DNAH8: variants seen among roughly 807,000 people sequenced by gnomAD.
DNAH8 encodes axonemal beta dynein heavy chain 8.
DNAH8 carries 382 observed loss-of-function variants against 562.1 expected under a neutral mutation model. The ratio of observed to expected loss-of-function variants is 0.68; its 90% CI spans 0.63 to 0.74. DNAH8 has a LOEUF of 0.74. Ranked by LOEUF, DNAH8 falls within the 30% of genes least tolerant of loss-of-function variation. The pLI is 0.00. For missense variants in DNAH8, 5,203 were observed against 5,620.4 expected, an observed-to-expected ratio of 0.93 and a Z score of 2.37; for synonymous variants, 1,881 against 1,919.4, an observed-to-expected ratio of 0.98 and a Z score of 0.52.
At chr6:38,919,797 A>G (rs1223895683) in intron 70 of DNAH8, among the ~76,000 whole-genome samples, 3 of 152,198 alleles carry the variant, frequency 2.0e-5, no homozygotes, top group Non-Finnish European at 4.4e-5. Context: ...AGCTTCTGTG[A>G]TATGGCCAAA....
At chr6:38,791,818 G>A in intron 21 of DNAH8, 144 bp downstream of exon 21, 1 of 763,246 alleles carries the variant, frequency 1.3e-6, no homozygotes, top group Non-Finnish European at 2.0e-6. Flanking sequence ...TCTGCTCCAA[G>A]GACTTTCATG....
intron 11 of DNAH8, among the ~76,000 whole-genome samples, chr6:38,767,308 G>C (rs1767103313): frequency 6.6e-6 from 1 of 152,068 alleles, no homozygotes; most frequent in Admixed American, 6.5e-5. Flanking sequence ...GTGGTGGCAG[G>C]CTCCTGTAGT....
intron 76 of DNAH8, among the ~76,000 whole-genome samples, chr6:38,934,028 G>A (rs1177780506): frequency 6.6e-6 from 1 of 152,158 alleles, no homozygotes; most frequent in East Asian, 1.9e-4. Flanking sequence ...CGTAGTTGGA[G>A]GGAAATAATC....
intron 89 of DNAH8, among the ~76,000 whole-genome samples, chr6:39,010,225 T>C (rs1466260205): frequency 6.6e-6 from 1 of 152,210 alleles, no homozygotes; most frequent in Non-Finnish European, 1.5e-5. Flanking sequence ...AACTTGTCCC[T>C]GTTCCAAGAT....
chr6:38,730,245 A>G (rs2127573971), intron 4 of DNAH8, among the ~76,000 whole-genome samples: 1 of 152,312 alleles, frequency 6.6e-6, no homozygotes, highest in Non-Finnish European at 1.5e-5. Flanking sequence ...TTTCATTAGA[A>G]TTTAATTGCA....
intron 75 of DNAH8, among the ~76,000 whole-genome samples, chr6:38,930,115 C>G (rs914926303): frequency 2.0e-5 from 3 of 152,038 alleles, no homozygotes; most frequent in African/African-American, 7.2e-5. Context: ...TTAATAAAGT[C>G]ATTGATTTGG....
chr6:38,780,568 T>TC (rs1768484559), intron 15 of DNAH8, among the ~76,000 whole-genome samples: 1 of 152,176 alleles, frequency 6.6e-6, no homozygotes, highest in African/African-American at 2.4e-5. Flanking sequence ...GAGGCTATTA[T>TC]CCTAAGCCAA....
intron 80 of DNAH8, among the ~76,000 whole-genome samples, chr6:38,948,074 C>G (rs1284732813): frequency 6.6e-6 from 1 of 151,652 alleles, no homozygotes; most frequent in Non-Finnish European, 1.5e-5. Flanking sequence ...TTTTAGTGCC[C>G]CAGGGACAAA....
intron 82 of DNAH8, among the ~76,000 whole-genome samples, chr6:38,951,913 T>C (rs1761935096): frequency 6.6e-6 from 1 of 152,230 alleles, no homozygotes; most frequent in Non-Finnish European, 1.5e-5. Context: ...ATTATTGTAA[T>C]GCATAGTAGT....
Position 38,837,915 on chromosome 6 carries a change from A to G in DNAH8, c.4366-27A>G, listed in dbSNP as rs780879487. ...AATTCTACTGAATTAATTGTATTTT[A>G]GTACAATTTAAAAACCTTTGTTACA... On this transcript the variant is annotated intron_variant, in intron 32 of 92. Coordinates refer to ENST00000327475, the MANE Select transcript of DNAH8 (RefSeq NM_001206927.2). 2.9e-5 allele frequency: 42 copies of G among 1,437,700 alleles called. No individual in the cohort carries two copies. The Middle Eastern group carries it at 3.1e-3, about 107-fold the overall frequency. 89.1% of individuals were successfully genotyped at this position (1,437,700 alleles called of 1,614,324 possible). A position where few individuals can be genotyped will look rare whatever the true frequency, so the allele number is the denominator to read the frequency against.
Position 38,875,647 on chromosome 6 carries a change from T to C in DNAH8, c.7677T>C (p.Cys2559=), listed in dbSNP as rs1409478576. ...IPSKEEGGVS[C]VEHLHKLFVF... The stretch of plus-strand genomic sequence containing the variant: ...CCAAAGAAGAAGGCGGTGTTTCCTG[T>C]GTCGAACATCTTCATAAATTATTTG... The change falls in exon 53 of 93, where the codon TGT becomes TGC. Residue 2559 remains cysteine, a synonymous_variant. Coordinates refer to ENST00000327475, the MANE Select transcript of DNAH8 (RefSeq NM_001206927.2). 2.5e-6 allele frequency: 4 copies of C among 1,613,684 alleles called. No individual in the cohort carries two copies. In the East Asian group the frequency reaches 8.9e-5, roughly 36 times the overall value.
chr6:38,916,668 G>A (rs1006821819), intron 68 of DNAH8, among the ~76,000 whole-genome samples: 6 of 152,172 alleles, frequency 3.9e-5, no homozygotes, highest in African/African-American at 1.4e-4. Flanking sequence ...CCGAACCGAA[G>A]GAGTCTTAGA....
chr6:38,831,748 A>C (rs899344903), intron 30 of DNAH8, among the ~76,000 whole-genome samples: 3 of 152,208 alleles, frequency 2.0e-5, no homozygotes, highest in Non-Finnish European at 2.9e-5. Context: ...AATGGTAATC[A>C]TATTAGCATA....
chr6:39,009,300 CT>C (rs768275248), intron 89 of DNAH8, among the ~76,000 whole-genome samples: 1,526 of 70,894 alleles, frequency 0.022, 35 homozygotes, highest in East Asian at 0.17. Context: ...TTAAGCTGTG[CT>C]AAAAAAAAAA....
intron 74 of DNAH8, among the ~76,000 whole-genome samples, chr6:38,926,588 C>G (rs931692771): frequency 6.6e-6 from 1 of 152,094 alleles, no homozygotes; most frequent in African/African-American, 2.4e-5. Context: ...CTTACTGAGT[C>G]CAGCTTTGGT....
Position 38,982,481 on chromosome 6 carries a change from T to A in DNAH8, c.12951+19T>A, listed in dbSNP as rs779556558. On this transcript the variant is annotated intron_variant, in intron 86 of 92. Transcript: ENST00000327475. ...TAAGAAAGTGAGTGAAATTATGCCTTTTTTCCTGTTTTTATTGCTCTTCTT... is the reference window on the plus strand; with the variant it reads ...TAAGAAAGTGAGTGAAATTATGCCTATTTTCCTGTTTTTATTGCTCTTCTT... The A allele has an allele frequency of 2.5e-6, 3 of 1,185,086 alleles. No individual in the cohort carries two copies. The highest frequency in any genetic ancestry group is 3.8e-6 in the Non-Finnish European group (3 of 790,844). 73.4% of individuals were successfully genotyped at this position (1,185,086 alleles called of 1,614,324 possible).
In DNAH8 at chr6:38,807,651, A is replaced by G. The variant is rs781190022; in HGVS notation, c.3192A>G (p.Leu1064=). ...EVFAFFSHQL[L]DSLQKATRLS... is the part of the protein sequence containing the mutation. ...TTGCTTTTTTCTCTCATCAATTACTAGACAGTCTTCAAAAAGCTACACGGT... is the reference window on the plus strand; with the variant it reads ...TTGCTTTTTTCTCTCATCAATTACTGGACAGTCTTCAAAAAGCTACACGGT... The change falls in exon 24 of 93, where the codon CTA becomes CTG. Residue 1064 remains leucine (L), a synonymous_variant. Transcript: ENST00000327475. The G allele has an allele frequency of 3.2e-6, 5 of 1,567,868 alleles. No individual in the cohort carries two copies. The South Asian group carries it at 3.8e-5, about 12-fold the overall frequency.
In DNAH8 at chr6:38,837,690, G is replaced by A. The variant is rs111357100; in HGVS notation, c.4366-252G>A. ...GTACTTATGGGAACTCGAAATATAG[G>A]CCTTCTGGAGAAGAAGAAGAAATAA... On this transcript the variant is annotated intron_variant, in intron 32 of 92. Coordinates refer to ENST00000327475, the MANE Select transcript of DNAH8 (RefSeq NM_001206927.2). Among the ~76,000 whole-genome samples the A allele has an allele frequency of 3.7e-3, 567 of 152,270 alleles. 2 individuals carry two copies. Among genetic ancestry groups the A allele is most frequent in the Middle Eastern group, 0.014 (4 of 294 alleles).
In DNAH8 at chr6:38,870,484, A is replaced by G. The variant is rs938592692; in HGVS notation, c.6912A>G (p.Glu2304=). The G allele has an allele frequency of 1.7e-5, 28 of 1,614,020 alleles. No individual in the cohort carries two copies. The highest frequency in any genetic ancestry group is 2.4e-5 in the Non-Finnish European group (28 of 1,179,984). Residue 2304 remains glutamate (E), a synonymous_variant, in exon 49 of 93, where the codon GAA becomes GAG. Transcript: ENST00000327475. ...GLQLDSNTYA[E]LQNAVAHQVQ... is the part of the protein sequence containing the mutation. ...AACTGGATAGTAATACTTATGCAGA[A>G]CTGCAAAACGCAGTAGCCCATCAGG...
Sources: allele counts gnomAD v4.1 joint callset (sites outside exome capture counted in the v4.1 genomes callset), GRCh38; gene constraint gnomAD v4.1.1; transcripts MANE v1.5; gene names NCBI Gene and HGNC (gene_info 2026-07-23, HGNC 2026-07-21).